Variants in PSME3IP1 observed in about 807,000 individuals in gnomAD.
PSME3IP1 encodes the protein proteasome activator subunit 3 interacting protein 1.
In PSME3IP1, 13 loss-of-function variants were observed where a neutral mutation model predicts 34.1. The ratio of observed to expected loss-of-function variants is 0.38; its 90% CI spans 0.25 to 0.61. The LOEUF (loss-of-function observed/expected upper bound fraction) is 0.61. PSME3IP1 is among the 20% of genes least tolerant of loss of function. The pLI, the probability that PSME3IP1 is intolerant of heterozygous loss-of-function variation, is 0.60. For missense variants in PSME3IP1, 237 were observed against 301.4 expected (o/e 0.79, Z 1.58); for synonymous variants, 93 against 114.3 (o/e 0.81, Z 1.19).
chr16:57,179,435 C>T (rs1218635860), intron 1 of PSME3IP1, among the ~76,000 whole-genome samples: 1 of 152,186 alleles, frequency 6.6e-6, no homozygotes, highest in Non-Finnish European at 1.5e-5. Context: ...CATTGGAGAC[C>T]GTCCCATTTA....
Position 57,166,588 on chromosome 16 carries a change from T to C in PSME3IP1, c.482+505A>G, listed in dbSNP as rs181183050. On this transcript the variant is annotated intron_variant, in intron 5 of 6. Transcript: ENST00000309137. ...CAACATGAAGATGCACACAACACCC[T>C]CCCAGCAGCATTGTATGCTCCTCCT... 5.3e-5 allele frequency among the ~76,000 whole-genome samples: 8 copies of C among 152,184 alleles called. No homozygotes were observed. In the East Asian group the frequency reaches 1.5e-3, roughly 29 times the overall value.
intron 1 of PSME3IP1, chr16:57,178,886 A>C: frequency 2.7e-6 from 2 of 754,028 alleles, no homozygotes; most frequent in Non-Finnish European, 3.2e-6. Flanking sequence ...CCTGTAACTT[A>C]CTGACCTGCT....
intron 1 of PSME3IP1, among the ~76,000 whole-genome samples, chr16:57,175,162 G>T (rs1197252605): frequency 6.6e-6 from 1 of 152,008 alleles, no homozygotes; most frequent in Non-Finnish European, 1.5e-5. Context: ...CTACAGGCGT[G>T]TGCCAACACG....
chr16:57,181,052 A>G (rs1297033822), intron 1 of PSME3IP1, among the ~76,000 whole-genome samples: 3 of 143,718 alleles, frequency 2.1e-5, no homozygotes, highest in Non-Finnish European at 4.4e-5. Flanking sequence ...GGCGAGGGGG[A>G]AAAAAAAGAA....
chr16:57,164,073 A>G lies in PSME3IP1; in HGVS notation c.483-8T>C. The G allele has an allele frequency of 6.2e-7, 1 of 1,613,896 alleles. No individual in the cohort carries two copies. Among genetic ancestry groups the G allele is most frequent in the Non-Finnish European group, 8.5e-7 (1 of 1,179,900 alleles). On this transcript the variant is annotated splice_region_variant and splice_polypyrimidine_tract_variant and intron_variant, in intron 5 of 6. Transcript: ENST00000309137. ...CTGTTGCCACTCTCTGAGCTGTAAC[A>G]AAACACATGGTGACTTGAGCCATGT...
intron 4 of PSME3IP1, 142 bp from the exon 5 acceptor site, chr16:57,167,368 A>G (rs2072013750): frequency 1.0e-6 from 1 of 956,068 alleles, no homozygotes; most frequent in Non-Finnish European, 1.6e-6. Context: ...AGTCAAATCC[A>G]GCCAATTCAA....
chr16:57,180,275 A>T (rs1331675054), intron 1 of PSME3IP1, among the ~76,000 whole-genome samples: 1 of 152,250 alleles, frequency 6.6e-6, no homozygotes, highest in Non-Finnish European at 1.5e-5. Flanking sequence ...ATAATCTTTC[A>T]GGCATCTATG....
intron 5 of PSME3IP1, 55 bp downstream of exon 5, chr16:57,167,038 G>C: frequency 1.9e-6 from 3 of 1,598,952 alleles, no homozygotes; most frequent in Non-Finnish European, 2.6e-6. Context: ...ATTACAAGTG[G>C]TGTTTCAGAG....
intron 5 of PSME3IP1, 62 bp downstream of exon 5, chr16:57,167,031 A>T (rs546883106): frequency 1.5e-5 from 24 of 1,592,580 alleles, no homozygotes; most frequent in Non-Finnish European, 2.0e-5. Flanking sequence ...GGCTTCCATT[A>T]CAAGTGGTGT....
intron 5 of PSME3IP1, among the ~76,000 whole-genome samples, chr16:57,165,152 G>GTT (rs1455793058): frequency 3.0e-4 from 45 of 149,844 alleles, no homozygotes; most frequent in East Asian, 7.8e-4. Flanking sequence ...CTAAGACACT[G>GTT]TTATATATAT....
At chr16:57,169,075 T>C (rs2145729599) in intron 4 of PSME3IP1, among the ~76,000 whole-genome samples, 1 of 152,264 alleles carries the variant, frequency 6.6e-6, no homozygotes, top group Middle Eastern at 3.4e-3. Context: ...CCTAACCTTT[T>C]AGGGGTAGGG....
chr16:57,174,231 T>G (rs1439636634), intron 1 of PSME3IP1: 1 of 196,272 alleles, frequency 5.1e-6, no homozygotes. Context: ...GAGGCGGAGG[T>G]TGCAGTGAGC....
chr16:57,165,917 T>C (rs2071819271), intron 5 of PSME3IP1, among the ~76,000 whole-genome samples: 1 of 151,974 alleles, frequency 6.6e-6, no homozygotes, highest in South Asian at 2.1e-4. Flanking sequence ...AACAAATTGA[T>C]CACCTGGAGA....
intron 5 of PSME3IP1, among the ~76,000 whole-genome samples, chr16:57,165,440 T>C (rs1421402898): frequency 6.6e-6 from 1 of 152,170 alleles, no homozygotes; most frequent in Non-Finnish European, 1.5e-5. Flanking sequence ...CAGTTTTTTC[T>C]AACAATAAAT....
At position 57,157,621 on chromosome 16, in the gene PSME3IP1, CTTTTTTTTT is replaced by C. The variant is rs113281367; in HGVS notation, c.548-3123_548-3115del. Among the ~76,000 whole-genome samples the C allele has an allele frequency of 8.4e-5, 12 of 143,520 alleles. 1 individual carries two copies. The highest frequency in any genetic ancestry group is 3.6e-3 in the Middle Eastern group (1 of 274). The allele number at this position is 143,520 out of a possible 152,430, so 94.2% of individuals were successfully genotyped here. ...TTGAATTTTTCCTTTTCTTTTTTTT[CTTTTTTTTT>C]TTTAAGAACATAAGGCTCACTATGC... On this transcript the variant is annotated intron_variant, in intron 6 of 6. Coordinates refer to ENST00000309137, the MANE Select transcript of PSME3IP1 (RefSeq NM_024946.4).
chr16:57,168,657 G>C (rs1182076258), intron 4 of PSME3IP1, among the ~76,000 whole-genome samples: 1 of 151,840 alleles, frequency 6.6e-6, no homozygotes, highest in African/African-American at 2.4e-5. Flanking sequence ...CAAAAAATTA[G>C]CTGGGTGTGG....
chr16:57,170,814 T>C (rs1289644062), intron 4 of PSME3IP1, among the ~76,000 whole-genome samples: 1 of 152,314 alleles, frequency 6.6e-6, no homozygotes, highest in African/African-American at 2.4e-5. Context: ...GGCTTACGCC[T>C]GTAATCCCTG....
At chr16:57,174,085 G>A in intron 1 of PSME3IP1, 1 of 450,224 alleles carries the variant, frequency 2.2e-6, no homozygotes, top group South Asian at 2.2e-5. Flanking sequence ...CACGAGGTCA[G>A]GAGTTCAAGA....
chr16:57,181,051 GAA>G (rs201112942), intron 1 of PSME3IP1, among the ~76,000 whole-genome samples: 11 of 151,230 alleles, frequency 7.3e-5, no homozygotes, highest in Non-Finnish European at 1.5e-4. Flanking sequence ...TGGCGAGGGG[GAA>G]AAAAAAGAAG....
Sources: allele counts gnomAD v4.1 joint callset (sites outside exome capture counted in the v4.1 genomes callset), GRCh38; gene constraint gnomAD v4.1.1; transcripts MANE v1.5; gene names NCBI Gene and HGNC (gene_info 2026-07-23, HGNC 2026-07-21).